The following CRIPTO3 variants were observed in gnomAD, a reference collection of about 807,000 sequenced individuals.
CRIPTO3 encodes the protein protein CRIPTO3.
the CRIPTO3 span, chrX:110,521,821 A>G: frequency 1.7e-6 from 1 of 599,416 alleles, no homozygotes; most frequent in Non-Finnish European, 2.8e-6. Context: ...AAAATAATGA[A>G]TACATTTCCA....
the CRIPTO3 span, chrX:110,521,112 C>T: frequency 2.6e-6 from 3 of 1,141,783 alleles, no homozygotes; most frequent in East Asian, 3.0e-5. Flanking sequence ...CCTCTTTTCC[C>T]CCTAATTGTT....
At chrX:110,521,990 C>G in the CRIPTO3 span, 1 of 429,428 alleles carries the variant, frequency 2.3e-6, no homozygotes, top group East Asian at 3.8e-5. Context: ...GAGTCTCACT[C>G]TGTCACCCAG....
At chrX:110,521,047 G>C in the CRIPTO3 span, 4 of 845,517 alleles carry the variant, frequency 4.7e-6, no homozygotes, top group African/African-American at 5.9e-5. Context: ...TTTAGGAGAT[G>C]AATGTTTTCC....
chrX:110,521,511 T>C, the CRIPTO3 span: 3 of 1,209,670 alleles, frequency 2.5e-6, no homozygotes, highest in African/African-American at 5.2e-5. Context: ...GCCCAAGAAG[T>C]GTTCCCTGTG....
At chrX:110,522,434 C>T in the CRIPTO3 span, 1 of 111,805 alleles carries the variant, frequency 8.9e-6, no homozygotes, top group South Asian at 3.8e-4. Flanking sequence ...AAGAAAACAT[C>T]TTTAAGGGGA....
the CRIPTO3 span, chrX:110,521,725 A>C: frequency 9.0e-7 from 1 of 1,108,119 alleles, no homozygotes; most frequent in African/African-American, 1.8e-5. Context: ...CAGAAATACA[A>C]TTTTAGATAT....
chrX:110,521,391 A>C, the CRIPTO3 span: 2 of 1,211,487 alleles, frequency 1.7e-6, no homozygotes, highest in Non-Finnish European at 2.2e-6. Context: ...GAATGGGGGA[A>C]CCTGCATGCT....
the CRIPTO3 span, chrX:110,521,545 G>T: frequency 8.3e-7 from 1 of 1,211,769 alleles, no homozygotes; most frequent in South Asian, 1.8e-5. Context: ...GGTCAGCTCC[G>T]CTGCTTTCCT....
the CRIPTO3 span, chrX:110,521,311 C>T: frequency 8.3e-7 from 1 of 1,205,239 alleles, no homozygotes; most frequent in South Asian, 1.8e-5. Context: ...GCAATTCGGC[C>T]TCGGTCTTCC....
chrX:110,521,150 C>T, the CRIPTO3 span: 2 of 1,137,412 alleles, frequency 1.8e-6, no homozygotes, highest in Admixed American at 2.2e-5. Flanking sequence ...GGAAGATGGT[C>T]CGCTTCTCTT....
the CRIPTO3 span, chrX:110,521,791 G>T: frequency 3.2e-5 from 24 of 745,053 alleles, 1 homozygote; most frequent in South Asian, 4.7e-4. Context: ...ACTGAAAGAT[G>T]ATCATTTGTT....
chrX:110,521,659 T>G, the CRIPTO3 span: 5 of 1,210,674 alleles, frequency 4.1e-6, no homozygotes, highest in Non-Finnish European at 5.6e-6. Flanking sequence ...ACTTTTATGC[T>G]AGCTGGCATC....
At chrX:110,521,485 C>G in the CRIPTO3 span, 1 of 1,210,326 alleles carries the variant, frequency 8.3e-7, no homozygotes, top group Middle Eastern at 2.4e-4. Flanking sequence ...GGGTCTGTGC[C>G]CCATGACACC....
At chrX:110,521,940 T>C in the CRIPTO3 span, 11 of 441,440 alleles carry the variant, frequency 2.5e-5, no homozygotes, top group Non-Finnish European at 3.9e-5. Flanking sequence ...CATATCTCCA[T>C]TGTGCCCAAG....
the CRIPTO3 span, chrX:110,521,445 T>C: frequency 8.3e-7 from 1 of 1,211,714 alleles, no homozygotes; most frequent in Non-Finnish European, 1.1e-6. Flanking sequence ...CGGACGGAAC[T>C]GTGAGCACGA....
the CRIPTO3 span, chrX:110,522,220 A>G: frequency 5.6e-6 from 1 of 179,056 alleles, no homozygotes; most frequent in Non-Finnish European, 1.0e-5. Context: ...GGCCTCTCGA[A>G]GTGCTGAGAT....
At chrX:110,522,848 C>T in the CRIPTO3 span, 1 of 106,427 alleles carries the variant, frequency 9.4e-6, no homozygotes, top group East Asian at 2.9e-4. Flanking sequence ...TTGTAAAGCC[C>T]ATTTTTAAAA....
At chrX:110,522,090 G>A in the CRIPTO3 span, 1 of 341,823 alleles carries the variant, frequency 2.9e-6, no homozygotes, top group South Asian at 7.6e-5. Context: ...CAAGTAGCTG[G>A]GATTACAGGC....
the CRIPTO3 span, chrX:110,522,724 A>G: frequency 9.0e-6 from 1 of 111,382 alleles, no homozygotes. Flanking sequence ...AATGTCCCCA[A>G]CAAGATTGCT....
Sources: gnomAD v4.1 joint callset for allele counts on GRCh38, gnomAD v4.1.1 for gene constraint, MANE v1.5 for transcripts, NCBI Gene and HGNC (gene_info 2026-07-23, HGNC 2026-07-21) for gene names.